The following ARHGEF28 variants were observed in gnomAD, a reference collection of about 807,000 sequenced individuals.
ARHGEF28 encodes 190 kDa guanine nucleotide exchange factor.
In ARHGEF28, 152 loss-of-function variants were observed where a neutral mutation model predicts 206.6. That is an observed-to-expected ratio of 0.74 (90% CI 0.64 to 0.84). ARHGEF28 has a LOEUF of 0.84. ARHGEF28 is among the 40% of genes least tolerant of loss of function. The pLI, the probability that ARHGEF28 is intolerant of heterozygous loss-of-function variation, is 0.00. For synonymous variants in ARHGEF28, 763 were observed against 776.4 expected, an observed-to-expected ratio of 0.98 and a Z score of 0.29; for missense variants, 2,028 against 2,073.2, an observed-to-expected ratio of 0.98 and a Z score of 0.42.
Position 73,663,735 on chromosome 5 carries a change from T to C in ARHGEF28, c.-11-21106T>C, listed in dbSNP as rs1250184058. 2.6e-5 allele frequency among the ~76,000 whole-genome samples: 4 copies of C among 152,236 alleles called. No individual in the cohort carries two copies. The East Asian group carries it at 7.7e-4, about 29-fold the overall frequency. ...TAATATTCAGGACGATTTTTAAAAA[T>C]AAATATTTGTTAGTTGAAGATTTCT... On this transcript the variant is annotated intron_variant, in intron 1 of 35. Coordinates refer to ENST00000513042, the MANE Select transcript of ARHGEF28 (RefSeq NM_001177693.2).
chr5:73,820,441 C>T (rs1756504431), intron 9 of ARHGEF28, among the ~76,000 whole-genome samples: 1 of 152,082 alleles, frequency 6.6e-6, no homozygotes, highest in South Asian at 2.1e-4. Flanking sequence ...CACTGCACCT[C>T]CTGGGTCCTC....
chr5:73,724,983 T>C (rs931355851), intron 2 of ARHGEF28, among the ~76,000 whole-genome samples: 32 of 152,222 alleles, frequency 2.1e-4, no homozygotes, highest in African/African-American at 6.5e-4. Flanking sequence ...ATTTCAGATT[T>C]TATTTTTCTT....
In ARHGEF28 at chr5:73,690,941, T is replaced by C. The variant is rs183676196; in HGVS notation, c.33+6057T>C. Among the ~76,000 whole-genome samples the C allele has an allele frequency of 7.1e-3, 1,082 of 152,244 alleles. 14 individuals are homozygous for C. Among genetic ancestry groups the C allele is most frequent in the African/African-American group, 0.024 (992 of 41,542 alleles). On this transcript the variant is annotated intron_variant, in intron 2 of 35. Transcript: ENST00000513042. ...TGAAGATCAGTTGAAGTTCCACCTT[T>C]TTTTTTTGAGACAAATTCTCGCCGT...
intron 1 of ARHGEF28, among the ~76,000 whole-genome samples, chr5:73,653,002 A>G (rs963164642): frequency 6.6e-6 from 1 of 152,214 alleles, no homozygotes; most frequent in African/African-American, 2.4e-5. Flanking sequence ...GTTAATGTGT[A>G]TCAGGTACTT....
intron 4 of ARHGEF28, among the ~76,000 whole-genome samples, chr5:73,763,814 C>T (rs999472946): frequency 1.3e-5 from 2 of 152,156 alleles, no homozygotes; most frequent in African/African-American, 2.4e-5. Flanking sequence ...ACCTAATGAC[C>T]GCCTGCTGCC....
In ARHGEF28 at chr5:73,868,011, C is replaced by T. The variant is rs1336368084; in HGVS notation, c.2288C>T (p.Thr763Ile). The change falls in exon 19 of 36, where the codon ACC becomes ATC. Residue 763 changes from threonine (T) to isoleucine (I), a missense_variant. Coordinates refer to ENST00000513042, the MANE Select transcript of ARHGEF28 (RefSeq NM_001177693.2). ...TTGTCCAGAAGTGTTCCAGGCACCA[C>T]CTTGGAAAGGTAAGGCTGAGTGTGT... ...HPLSRSVPGT[T>I]LESFRRSATS... The T allele has an allele frequency of 9.3e-6, 15 of 1,613,798 alleles. No homozygotes were observed. Among genetic ancestry groups the T allele is most frequent in the African/African-American group, 5.3e-5 (4 of 74,902 alleles).
At chr5:73,925,072 C>G (rs1324666067) in intron 35 of ARHGEF28, among the ~76,000 whole-genome samples, 2 of 152,136 alleles carry the variant, frequency 1.3e-5, no homozygotes, top group African/African-American at 4.8e-5. Context: ...TCAGATAGAG[C>G]TTTGTTTAGC....
chr5:73,633,608 G>A (rs1445200628), intron 1 of ARHGEF28, among the ~76,000 whole-genome samples: 5 of 117,374 alleles, frequency 4.3e-5, no homozygotes, highest in Admixed American at 1.2e-4. Flanking sequence ...ACAGAGTCTC[G>A]TTCCATCACC....
intron 1 of ARHGEF28, among the ~76,000 whole-genome samples, chr5:73,636,825 G>A (rs777063625): frequency 6.6e-6 from 1 of 152,194 alleles, no homozygotes; most frequent in Non-Finnish European, 1.5e-5. Context: ...CATCTGTCAA[G>A]TTCTATGTTT....
intron 4 of ARHGEF28, among the ~76,000 whole-genome samples, chr5:73,762,736 A>G (rs1752675334): frequency 6.6e-6 from 1 of 152,066 alleles, no homozygotes; most frequent in Non-Finnish European, 1.5e-5. Context: ...TGACAAGTAC[A>G]TGAGATATAT....
At chr5:73,925,801 G>A (rs1434506603) in intron 35 of ARHGEF28, among the ~76,000 whole-genome samples, 1 of 152,130 alleles carries the variant, frequency 6.6e-6, no homozygotes, top group Non-Finnish European at 1.5e-5. Context: ...TGGTTCCCTT[G>A]TATTATGTTT....
At chr5:73,657,490 G>T (rs968050184) in intron 1 of ARHGEF28, among the ~76,000 whole-genome samples, 2 of 151,906 alleles carry the variant, frequency 1.3e-5, no homozygotes, top group African/African-American at 4.8e-5. Flanking sequence ...CAAAATATTC[G>T]ATCAGTCTAT....
intron 35 of ARHGEF28, among the ~76,000 whole-genome samples, chr5:73,924,910 T>A (rs1238746238): frequency 6.6e-6 from 1 of 152,192 alleles, no homozygotes; most frequent in Non-Finnish European, 1.5e-5. Flanking sequence ...AAAACACTGA[T>A]GTCAGGGGAT....
intron 30 of ARHGEF28, chr5:73,900,247 A>G (rs1762183821): frequency 6.6e-6 from 1 of 152,252 alleles, no homozygotes; most frequent in African/African-American, 2.4e-5. Flanking sequence ...TTGGAAATAA[A>G]GTTTTAAAAA....
intron 1 of ARHGEF28, among the ~76,000 whole-genome samples, chr5:73,666,871 A>G (rs1745987929): frequency 6.6e-6 from 1 of 152,224 alleles, no homozygotes; most frequent in Non-Finnish European, 1.5e-5. Flanking sequence ...ATGAGCATGC[A>G]CAGTTGAGCT....
chr5:73,923,626 C>T (rs1451356985), intron 35 of ARHGEF28, among the ~76,000 whole-genome samples: 1 of 152,162 alleles, frequency 6.6e-6, no homozygotes, highest in African/African-American at 2.4e-5. Context: ...AGTCCCTTCA[C>T]CCCCTCTACC....
chr5:73,813,156 C>T (rs1232545347), intron 9 of ARHGEF28, among the ~76,000 whole-genome samples: 3 of 152,108 alleles, frequency 2.0e-5, no homozygotes, highest in Non-Finnish European at 4.4e-5. Context: ...ATTCTCACTC[C>T]GAGCAAAACA....
rs1188945000 is a variant in ARHGEF28, at chr5:73,752,982, C to T, written c.255C>T (p.Gly85=). ...AAGGTTACTCTCCGGTGACCATGGG[C>T]TCTGGCTCAGTGACCTACGTGGACA... is the stretch of plus-strand genomic sequence containing the variant. ...CSEGYSPVTM[G]SGSVTYVDNM... is the part of the protein sequence containing the mutation. Residue 85 remains glycine (G), a synonymous_variant, in exon 4 of 36, where the codon GGC becomes GGT. Coordinates refer to ENST00000513042, the MANE Select transcript of ARHGEF28 (RefSeq NM_001177693.2). 2 of 1,613,796 alleles carry T rather than the reference C, an allele frequency of 1.2e-6. No homozygotes were observed. The highest frequency in any genetic ancestry group is 1.6e-4 in the Middle Eastern group (1 of 6,062).
At chr5:73,765,401 A>G (rs1752838400) in intron 4 of ARHGEF28, among the ~76,000 whole-genome samples, 1 of 152,222 alleles carries the variant, frequency 6.6e-6, no homozygotes, top group Non-Finnish European at 1.5e-5. Context: ...GCTGGACAGT[A>G]ACGGTGAGCC....
Sources: allele counts gnomAD v4.1 joint callset (sites outside exome capture counted in the v4.1 genomes callset), GRCh38; gene constraint gnomAD v4.1.1; transcripts MANE v1.5; gene names NCBI Gene and HGNC (gene_info 2026-07-23, HGNC 2026-07-21).